TSHZ2: variants seen among roughly 807,000 people sequenced by gnomAD.
The protein encoded by TSHZ2 is teashirt homolog 2.
In TSHZ2, 21 loss-of-function variants were observed where a neutral mutation model predicts 74.4. That is an observed-to-expected ratio of 0.28 (90% CI 0.20 to 0.41). TSHZ2 has a LOEUF of 0.41. Among genes scored for constraint, TSHZ2 ranks in the 10% least tolerant of loss-of-function variants. The probability of loss-of-function intolerance (pLI) is 1.00; values close to 1 mark genes in which losing one functional copy is unlikely to be tolerated. For synonymous variants in TSHZ2, 540 were observed against 515.3 expected (o/e 1.05, Z -0.65); for missense variants, 1,244 against 1,293.5 (o/e 0.96, Z 0.59).
At chr20:53,066,665 A>G (rs902751043) in intron 1 of TSHZ2, among the ~76,000 whole-genome samples, 1 of 151,874 alleles carries the variant, frequency 6.6e-6, no homozygotes, top group Non-Finnish European at 1.5e-5. Context: ...GCGCCACAAC[A>G]CCCTGCTAAT....
chr20:53,075,309 T>A (rs1026929882), intron 1 of TSHZ2, among the ~76,000 whole-genome samples: 3 of 152,266 alleles, frequency 2.0e-5, no homozygotes, highest in Admixed American at 2.0e-4. Flanking sequence ...ATCTTTCTTT[T>A]TACCATTTTA....
chr20:53,329,125 T>C (rs1979614517), intron 2 of TSHZ2, among the ~76,000 whole-genome samples: 1 of 152,210 alleles, frequency 6.6e-6, no homozygotes, highest in Admixed American at 6.5e-5. Context: ...CCAGGAATGT[T>C]TCTCATCACT....
chr20:53,206,729 A>G (rs17332684), intron 1 of TSHZ2: 7,871 of 152,308 alleles, frequency 0.052, 301 homozygotes, highest in Non-Finnish European at 0.083. Flanking sequence ...TTTATAATCC[A>G]AATTGATACT....
intron 2 of TSHZ2, among the ~76,000 whole-genome samples, chr20:53,331,452 G>A (rs1979718019): frequency 1.3e-5 from 2 of 152,110 alleles, no homozygotes; most frequent in Admixed American, 6.5e-5. Context: ...GGGCCAGGGG[G>A]AACCAAAATC....
At chr20:53,414,623 A>C (rs1983171834) in intron 2 of TSHZ2, among the ~76,000 whole-genome samples, 1 of 152,182 alleles carries the variant, frequency 6.6e-6, no homozygotes, top group Non-Finnish European at 1.5e-5. Flanking sequence ...ATACCACTGC[A>C]CTTCAGCCTG....
chr20:53,384,049 C>T (rs1981956607), intron 2 of TSHZ2, among the ~76,000 whole-genome samples: 2 of 152,112 alleles, frequency 1.3e-5, no homozygotes, highest in African/African-American at 4.8e-5. Flanking sequence ...TTGCTATTTT[C>T]GAAACCCGAA....
At chr20:53,266,688 G>T (rs2250513) in intron 2 of TSHZ2, among the ~76,000 whole-genome samples, 3 of 151,710 alleles carry the variant, frequency 2.0e-5, no homozygotes, top group Non-Finnish European at 4.4e-5. Context: ...CCCTATACAA[G>T]GCTCTAGGGA....
At chr20:52,987,188 T>G (rs935095595) in intron 1 of TSHZ2, among the ~76,000 whole-genome samples, 1 of 152,188 alleles carries the variant, frequency 6.6e-6, no homozygotes, top group Admixed American at 6.5e-5. Flanking sequence ...ATGGAGGGAA[T>G]GGGAATGATT....
chr20:53,225,527 T>C (rs1324112789), intron 1 of TSHZ2, among the ~76,000 whole-genome samples: 1 of 152,336 alleles, frequency 6.6e-6, no homozygotes, highest in South Asian at 2.1e-4. Context: ...AATGTTCGTA[T>C]TGATGCAGGC....
In TSHZ2 at chr20:53,255,701, G is replaced by A. The variant is rs6126799; in HGVS notation, c.2243G>A (p.Arg748Lys). The stretch of plus-strand genomic sequence containing the variant: ...CCGGTCTTGAGTCCTGCCTCCACAA[G>A]GTCAGCCAGCGTGTCCAGGCGCTAC... ...DKPVLSPASTRSASVSRRYLF... is the reference protein window; with the variant it reads ...DKPVLSPASTKSASVSRRYLF... The change falls in exon 2 of 3, where the codon AGG becomes AAG. Residue 748 changes from arginine (R) to lysine (K), a missense_variant. By Grantham distance (26) the Arg-to-Lys change is conservative. Coordinates refer to ENST00000371497, the MANE Select transcript of TSHZ2 (RefSeq NM_173485.6). The surrounding 1 kb of genome is among the most constrained non-coding windows in gnomAD (Gnocchi z 4.1). 8.7e-6 allele frequency: 14 copies of A among 1,600,240 alleles called. No individual in the cohort carries two copies. Among genetic ancestry groups the A allele is most frequent in the Admixed American group, 1.7e-5 (1 of 58,166 alleles).
At chr20:53,033,578 G>C (rs1285035478) in intron 1 of TSHZ2, among the ~76,000 whole-genome samples, 1 of 149,064 alleles carries the variant, frequency 6.7e-6, no homozygotes, top group Non-Finnish European at 1.5e-5. Context: ...CTGGCACATA[G>C]AAGGTGCTCA....
At chr20:53,060,403 A>G (rs533502765) in intron 1 of TSHZ2, among the ~76,000 whole-genome samples, 6 of 152,322 alleles carry the variant, frequency 3.9e-5, no homozygotes, top group Admixed American at 3.9e-4. Flanking sequence ...AAACAACCCC[A>G]TAGTTGCTTA....
intron 1 of TSHZ2, among the ~76,000 whole-genome samples, chr20:53,017,488 A>G (rs899150222): frequency 6.6e-6 from 1 of 152,192 alleles, no homozygotes; most frequent in Non-Finnish European, 1.5e-5. Context: ...TGTGAAAAAG[A>G]TATAACTCGT....
At chr20:53,293,580 CTT>C (rs1243843902) in intron 2 of TSHZ2, among the ~76,000 whole-genome samples, 7 of 151,764 alleles carry the variant, frequency 4.6e-5, no homozygotes, top group South Asian at 2.1e-4. Flanking sequence ...GGCATGGACA[CTT>C]TGAGAAGGGG....
intron 1 of TSHZ2, among the ~76,000 whole-genome samples, chr20:53,188,903 A>C: frequency 6.6e-6 from 1 of 152,194 alleles, no homozygotes; most frequent in Admixed American, 6.5e-5. Flanking sequence ...ACATTAGTGC[A>C]TTTAATCCTT....
intron 1 of TSHZ2, among the ~76,000 whole-genome samples, chr20:53,243,822 C>CTTT (rs5841936): frequency 6.9e-6 from 1 of 145,732 alleles, no homozygotes; most frequent in East Asian, 2.0e-4. Context: ...TGCTTGCTTG[C>CTTT]TTTTTTTTTT....
intron 2 of TSHZ2, among the ~76,000 whole-genome samples, chr20:53,481,554 G>A (rs919209577): frequency 6.6e-6 from 1 of 151,340 alleles, no homozygotes; most frequent in African/African-American, 2.4e-5. Context: ...AGCCACTCTG[G>A]GTGACAGAGT....
intron 1 of TSHZ2, among the ~76,000 whole-genome samples, chr20:52,980,641 G>A (rs1016290052): frequency 3.3e-5 from 5 of 152,174 alleles, no homozygotes; most frequent in African/African-American, 1.2e-4. Context: ...AATGAAAATA[G>A]TTACGAAGGG....
intron 1 of TSHZ2, among the ~76,000 whole-genome samples, chr20:52,979,578 G>T (rs1369987037): frequency 1.3e-5 from 2 of 152,130 alleles, no homozygotes; most frequent in African/African-American, 2.4e-5. Flanking sequence ...TGATATATTT[G>T]TTTCCAAAGC....
Sources: allele counts gnomAD v4.1 joint callset (sites outside exome capture counted in the v4.1 genomes callset), GRCh38; gene constraint gnomAD v4.1.1; non-coding constraint Gnocchi (gnomAD v3.1); transcripts MANE v1.5; gene names NCBI Gene and HGNC (gene_info 2026-07-23, HGNC 2026-07-21).